Variants in PPA2 observed in about 807,000 individuals in gnomAD.
PPA2 encodes the protein inorganic pyrophosphatase 2, mitochondrial.
Under a neutral mutation model 49.5 loss-of-function variants are expected in PPA2, and 48 were observed. The observed-to-expected ratio is 0.97, with a 90% CI of 0.77 to 1.23. The LOEUF (loss-of-function observed/expected upper bound fraction) is 1.23, where lower values mean the gene tolerates loss of function less well. Among genes scored for constraint, PPA2 ranks in the 50% most tolerant of loss-of-function variants. The pLI, the probability that PPA2 is intolerant of heterozygous loss-of-function variation, is 0.00. For missense variants in PPA2, 429 were observed against 410.1 expected, an observed-to-expected ratio of 1.05 and a Z score of -0.40; for synonymous variants, 131 against 139.9, an observed-to-expected ratio of 0.94 and a Z score of 0.45.
intron 7 of PPA2, chr4:105,405,601 A>G: frequency 7.9e-6 from 8 of 1,007,228 alleles, no homozygotes; most frequent in Non-Finnish European, 9.5e-6. Flanking sequence ...CCAAATTATC[A>G]GCAAATAAAA....
intron 1 of PPA2, among the ~76,000 whole-genome samples, chr4:105,471,361 A>AT (rs201291089): frequency 2.0e-4 from 30 of 151,650 alleles, no homozygotes; most frequent in East Asian, 5.8e-4. Context: ...TTTAACACCA[A>AT]TTTTTTTTTA....
chr4:105,424,015 G>A (rs1443467090), intron 7 of PPA2, among the ~76,000 whole-genome samples, 181 bp downstream of exon 7: 1 of 152,092 alleles, frequency 6.6e-6, no homozygotes, highest in Non-Finnish European at 1.5e-5. Flanking sequence ...AAGAAAAAGG[G>A]AATAGAGGGA....
At chr4:105,402,583 G>A (rs1165796390) in intron 7 of PPA2, among the ~76,000 whole-genome samples, 1 of 152,152 alleles carries the variant, frequency 6.6e-6, no homozygotes, top group Non-Finnish European at 1.5e-5. Flanking sequence ...AAAACAGAAA[G>A]TATTAGGAGA....
At chr4:105,428,165 C>G (rs1669494865) in intron 6 of PPA2, among the ~76,000 whole-genome samples, 1 of 152,028 alleles carries the variant, frequency 6.6e-6, no homozygotes, top group African/African-American at 2.4e-5. Context: ...ATTTTGTCAC[C>G]ACGACGCCTG....
chr4:105,380,553 C>T (rs1443262201), intron 10 of PPA2, among the ~76,000 whole-genome samples: 2 of 152,136 alleles, frequency 1.3e-5, no homozygotes, highest in Non-Finnish European at 2.9e-5. Flanking sequence ...CATACCTACT[C>T]TCTAGATTTA....
At chr4:105,384,847 C>T (rs374434810) in intron 10 of PPA2, among the ~76,000 whole-genome samples, 8 of 152,168 alleles carry the variant, frequency 5.3e-5, no homozygotes, top group Non-Finnish European at 1.0e-4. Flanking sequence ...TAATGGTTCC[C>T]TACCTCATTC....
chr4:105,463,960 C>T (rs1324622841), intron 1 of PPA2, among the ~76,000 whole-genome samples: 4 of 149,028 alleles, frequency 2.7e-5, no homozygotes, highest in East Asian at 1.9e-4. Context: ...AATATGAGGT[C>T]GGGGCCCCCA....
chr4:105,466,941 C>T (rs1723329655), intron 1 of PPA2, among the ~76,000 whole-genome samples: 1 of 152,220 alleles, frequency 6.6e-6, no homozygotes, highest in Admixed American at 6.5e-5. Context: ...GCCATTTTGC[C>T]TCTTAGTGCA....
Position 105,461,090 on chromosome 4 carries a change from T to C in PPA2, c.158-4345A>G, listed in dbSNP as rs1186721860. On this transcript the variant is annotated intron_variant, in intron 1 of 11. Coordinates refer to ENST00000341695, the MANE Select transcript of PPA2 (RefSeq NM_176869.3). ...ATAATGCTTTAATGGGCAATATATC[T>C]ATAAATTTGCACAGGAGCAATGACT... Among the ~76,000 whole-genome samples, 6 of 152,310 alleles carry C rather than the reference T, an allele frequency of 3.9e-5. No individual in the cohort carries two copies. The East Asian group carries it at 9.6e-4, about 24-fold the overall frequency.
At chr4:105,421,987 G>C (rs1723273979) in intron 7 of PPA2, among the ~76,000 whole-genome samples, 2 of 151,964 alleles carry the variant, frequency 1.3e-5, no homozygotes, top group African/African-American at 4.8e-5. Flanking sequence ...TGGTTGCAGT[G>C]AGCTGAGATT....
chr4:105,377,319 C>T (rs949965970), intron 10 of PPA2, among the ~76,000 whole-genome samples: 3 of 152,062 alleles, frequency 2.0e-5, no homozygotes, highest in Admixed American at 2.0e-4. Context: ...ACAATAAAAC[C>T]CAACATTTAT....
intron 8 of PPA2, among the ~76,000 whole-genome samples, chr4:105,398,125 G>A (rs1734220059): frequency 6.6e-6 from 1 of 151,732 alleles, no homozygotes; most frequent in South Asian, 2.1e-4. Flanking sequence ...TCGTGACTTG[G>A]CAGACTTACC....
At chr4:105,459,998 T>A (rs72952292) in intron 1 of PPA2, among the ~76,000 whole-genome samples, 5 of 152,154 alleles carry the variant, frequency 3.3e-5, no homozygotes, top group African/African-American at 9.7e-5. Context: ...ACAAATCTAC[T>A]TTCTGTCAAA....
At position 105,376,838 on chromosome 4, in the gene PPA2, A is replaced by G. The variant is rs2726504; in HGVS notation, c.940-5965T>C. The stretch of plus-strand genomic sequence containing the variant: ...TCTCTCCTCAGTTCTGTATGCCACC[A>G]GTTTGTGTGTGGAGCCTCATAAAGT... On this transcript the variant is annotated intron_variant, in intron 10 of 11. Coordinates refer to ENST00000341695, the MANE Select transcript of PPA2 (RefSeq NM_176869.3). Among the ~76,000 whole-genome samples the G allele has an allele frequency of 4.6e-3, 701 of 152,250 alleles. 2 individuals carry two copies. The highest frequency in any genetic ancestry group is 7.9e-3 in the Admixed American group (121 of 15,274).
chr4:105,405,692 A>C, intron 7 of PPA2: 1 of 911,788 alleles, frequency 1.1e-6, no homozygotes, highest in Non-Finnish European at 1.3e-6. Context: ...TTCGTGTTTC[A>C]ATGTACTCCC....
At chr4:105,456,316 T>C (rs969575804) in intron 2 of PPA2, 4 of 453,236 alleles carry the variant, frequency 8.8e-6, no homozygotes, top group African/African-American at 4.0e-5. Context: ...TAGCAACTCA[T>C]AACAATTAAA....
At chr4:105,466,036 T>A (rs1723287233) in intron 1 of PPA2, among the ~76,000 whole-genome samples, 1 of 152,094 alleles carries the variant, frequency 6.6e-6, no homozygotes, top group Non-Finnish European at 1.5e-5. Context: ...TTCTTTTTCT[T>A]AGGACTGCTG....
intron 6 of PPA2, among the ~76,000 whole-genome samples, chr4:105,434,485 A>G (rs982372369): frequency 3.3e-5 from 5 of 152,090 alleles, no homozygotes; most frequent in African/African-American, 1.2e-4. Context: ...TATTACTAGC[A>G]TCTAGTAGGA....
In PPA2 at chr4:105,473,965, C is replaced by G; in HGVS notation, c.86G>C (p.Arg29Pro). Residue 29 changes from arginine (R) to proline (P), a missense_variant, in exon 1 of 12, where the codon CGC becomes CCC. Transcript: ENST00000341695. ...AGTGTGGTACAGGGCCATAGCACGG[C>G]GCGACCCGGTCCCTGCACTGGTCCC... The part of the protein sequence containing the change: ...RLGTSAGTGS[R>P]RAMALYHTEE... 6.2e-7 allele frequency: 1 copy of G among 1,611,734 alleles called. No individual in the cohort carries two copies.
Sources: allele counts gnomAD v4.1 joint callset (sites outside exome capture counted in the v4.1 genomes callset), GRCh38; gene constraint gnomAD v4.1.1; transcripts MANE v1.5; gene names NCBI Gene and HGNC (gene_info 2026-07-23, HGNC 2026-07-21).